Variants in KCNIP4 observed in about 807,000 individuals in gnomAD.
KCNIP4 encodes the protein Kv channel-interacting protein 4.
A neutral mutation model predicts 34.0 loss-of-function variants in KCNIP4; 12 were observed. That is an observed-to-expected ratio of 0.35 (90% CI 0.23 to 0.57). KCNIP4 has a LOEUF of 0.57. Ranked by LOEUF, KCNIP4 falls within the 20% of genes least tolerant of loss-of-function variation. The probability of loss-of-function intolerance (pLI) is 0.83; values close to 1 mark genes in which losing one functional copy is unlikely to be tolerated. For synonymous variants in KCNIP4, 124 were observed against 102.2 expected, an observed-to-expected ratio of 1.21 and a Z score of -1.29; for missense variants, 238 against 311.7, an observed-to-expected ratio of 0.76 and a Z score of 1.78.
chr4:21,427,960 T>C (rs534919845), intron 1 of KCNIP4, among the ~76,000 whole-genome samples: 9 of 152,106 alleles, frequency 5.9e-5, no homozygotes, highest in African/African-American at 1.9e-4. Flanking sequence ...ATAAGTCATA[T>C]GAATTGTTCT....
At chr4:21,006,054 C>T (rs755034259) in intron 1 of KCNIP4, among the ~76,000 whole-genome samples, 3 of 152,134 alleles carry the variant, frequency 2.0e-5, no homozygotes, top group Non-Finnish European at 4.4e-5. Flanking sequence ...CACAGAGAGA[C>T]TACGCATCTC....
intron 2 of KCNIP4, among the ~76,000 whole-genome samples, chr4:20,879,555 T>C (rs1271117649): frequency 1.3e-5 from 2 of 152,234 alleles, no homozygotes; most frequent in Non-Finnish European, 2.9e-5. Context: ...ACATTTAATT[T>C]TCAAACATTT....
intron 1 of KCNIP4, among the ~76,000 whole-genome samples, chr4:21,211,814 A>C (rs919289284): frequency 6.6e-6 from 1 of 152,052 alleles, no homozygotes; most frequent in Non-Finnish European, 1.5e-5. Context: ...CAAAGAGGTT[A>C]AAAACTTGCC....
chr4:21,532,517 C>T lies in KCNIP4; in HGVS notation c.61+416054G>A, dbSNP rs114359674. 7.0e-3 allele frequency among the ~76,000 whole-genome samples: 1,066 copies of T among 152,284 alleles called. 22 individuals are homozygous for T. The highest frequency in any genetic ancestry group is 0.025 in the African/African-American group (1,023 of 41,548). On this transcript the variant is annotated intron_variant, in intron 1 of 8. Coordinates refer to ENST00000382152, the MANE Select transcript of KCNIP4 (RefSeq NM_025221.6). ...CTGAAAGACCACAGTGGGAAGCACACAGGCAGAGGGAAATCTCAGAAATAT... is the reference window on the plus strand; with the variant it reads ...CTGAAAGACCACAGTGGGAAGCACATAGGCAGAGGGAAATCTCAGAAATAT...
chr4:20,896,876 A>G (rs1290131042), intron 1 of KCNIP4, among the ~76,000 whole-genome samples: 2 of 152,146 alleles, frequency 1.3e-5, no homozygotes, highest in African/African-American at 4.8e-5. Flanking sequence ...GCACACACAG[A>G]ATCGCCAAAA....
chr4:21,320,186 T>A (rs1196108844), intron 1 of KCNIP4, among the ~76,000 whole-genome samples: 1 of 152,182 alleles, frequency 6.6e-6, no homozygotes, highest in Non-Finnish European at 1.5e-5. Flanking sequence ...ACAAACACAA[T>A]TTCATCTGAT....
chr4:21,782,958 A>G (rs1478938193), intron 1 of KCNIP4, among the ~76,000 whole-genome samples: 2 of 152,190 alleles, frequency 1.3e-5, no homozygotes, highest in Non-Finnish European at 2.9e-5. Flanking sequence ...TCTTGAAATG[A>G]CAAAATTGTA....
At chr4:20,848,971 T>C (rs988350296) in intron 3 of KCNIP4, among the ~76,000 whole-genome samples, 5 of 152,206 alleles carry the variant, frequency 3.3e-5, no homozygotes, top group African/African-American at 1.2e-4. Flanking sequence ...TCCTTGCTGC[T>C]CAGTGTTTTT....
intron 1 of KCNIP4, among the ~76,000 whole-genome samples, chr4:21,342,299 G>C (rs1050864129): frequency 6.6e-6 from 1 of 152,044 alleles, no homozygotes; most frequent in African/African-American, 2.4e-5. Context: ...CAAAAGAATA[G>C]ATTCATCCCC....
chr4:21,945,605 T>C (rs1403635173), intron 1 of KCNIP4, among the ~76,000 whole-genome samples: 2 of 152,184 alleles, frequency 1.3e-5, no homozygotes, highest in Non-Finnish European at 2.9e-5. Context: ...TCCTCATTTT[T>C]AGTTGTAGAT....
At chr4:21,773,220 G>T (rs898448431) in intron 1 of KCNIP4, among the ~76,000 whole-genome samples, 1 of 152,108 alleles carries the variant, frequency 6.6e-6, no homozygotes, top group Non-Finnish European at 1.5e-5. Context: ...ATGAAATTTT[G>T]TGGTTTTGAG....
intron 1 of KCNIP4, among the ~76,000 whole-genome samples, chr4:21,486,266 T>C (rs1484314599): frequency 6.6e-6 from 1 of 152,208 alleles, no homozygotes; most frequent in Non-Finnish European, 1.5e-5. Flanking sequence ...TTTTTTGGAA[T>C]ACTGTGGGTG....
chr4:21,116,134 G>T (rs553199485), intron 1 of KCNIP4, among the ~76,000 whole-genome samples: 14 of 152,156 alleles, frequency 9.2e-5, no homozygotes, highest in Admixed American at 5.2e-4. Context: ...CACAGGCTTC[G>T]TCAAAGTCTA....
At chr4:21,383,774 C>A (rs1721756065) in intron 1 of KCNIP4, among the ~76,000 whole-genome samples, 1 of 152,116 alleles carries the variant, frequency 6.6e-6, no homozygotes, top group South Asian at 2.1e-4. Context: ...ACCACAACAC[C>A]CAGAGGGTTC....
chr4:21,233,458 T>C lies in KCNIP4; in HGVS notation c.62-350749A>G, dbSNP rs561588847. 6.6e-5 allele frequency among the ~76,000 whole-genome samples: 10 copies of C among 152,024 alleles called. No individual in the cohort carries two copies. The East Asian group carries it at 1.9e-3, about 29-fold the overall frequency. On this transcript the variant is annotated intron_variant, in intron 1 of 8. Coordinates refer to ENST00000382152, the MANE Select transcript of KCNIP4 (RefSeq NM_025221.6). The stretch of plus-strand genomic sequence containing the variant: ...AGCAAGGGTCATAGTTTGGGGGAGA[T>C]TTCTGAGTATATTTATAGAATTGTT...
intron 2 of KCNIP4, among the ~76,000 whole-genome samples, chr4:20,865,360 T>G (rs1001431912): frequency 2.0e-5 from 3 of 152,154 alleles, no homozygotes; most frequent in African/African-American, 7.2e-5. Flanking sequence ...GAAAATGTTT[T>G]ATTCTGCTTA....
At chr4:21,191,763 C>A (rs1755663831) in intron 1 of KCNIP4, among the ~76,000 whole-genome samples, 1 of 152,228 alleles carries the variant, frequency 6.6e-6, no homozygotes, top group East Asian at 1.9e-4. Context: ...AATAGTATGG[C>A]TTTTATTCTT....
intron 1 of KCNIP4, among the ~76,000 whole-genome samples, chr4:21,265,302 T>A (rs2109116557): frequency 6.6e-6 from 1 of 152,106 alleles, no homozygotes; most frequent in East Asian, 1.9e-4. Flanking sequence ...TGGGGAGTGA[T>A]GAGATATTAG....
At chr4:21,170,158 C>G (rs999984668) in intron 1 of KCNIP4, among the ~76,000 whole-genome samples, 1 of 152,038 alleles carries the variant, frequency 6.6e-6, no homozygotes, top group Non-Finnish European at 1.5e-5. Flanking sequence ...GATAGTCAAA[C>G]TAGATAGTAG....
Sources: allele counts gnomAD v4.1 joint callset (sites outside exome capture counted in the v4.1 genomes callset), GRCh38; gene constraint gnomAD v4.1.1; transcripts MANE v1.5; gene names NCBI Gene and HGNC (gene_info 2026-07-23, HGNC 2026-07-21).